FYTTD1: variants seen among roughly 807,000 people sequenced by gnomAD.
FYTTD1 encodes forty-two-three domain containing 1.
Under a neutral mutation model 40.9 loss-of-function variants are expected in FYTTD1, and 22 were observed. The ratio of observed to expected loss-of-function variants is 0.54; its 90% confidence interval spans 0.38 to 0.77. FYTTD1 has a LOEUF of 0.77. Among genes scored for constraint, FYTTD1 ranks in the 30% least tolerant of loss-of-function variants. The pLI, the probability that FYTTD1 is intolerant of heterozygous loss-of-function variation, is 0.00. For synonymous variants in FYTTD1, 140 were observed against 137.9 expected (o/e 1.01, Z -0.10); for missense variants, 351 against 392.2 (o/e 0.90, Z 0.89).
intron 2 of FYTTD1, among the ~76,000 whole-genome samples, chr3:197,766,299 G>A (rs1729543229): frequency 6.6e-6 from 1 of 151,896 alleles, no homozygotes; most frequent in African/African-American, 2.4e-5. Flanking sequence ...TTTATAATTA[G>A]AACTAACTGA....
At chr3:197,762,213 T>G (rs1729408894) in intron 2 of FYTTD1, among the ~76,000 whole-genome samples, 1 of 149,886 alleles carries the variant, frequency 6.7e-6, no homozygotes, top group Admixed American at 6.6e-5. Flanking sequence ...GAGAATCTAG[T>G]TGTCTTCTAT....
intron 2 of FYTTD1, chr3:197,763,763 C>T (rs1729460819): frequency 6.4e-6 from 1 of 155,806 alleles, no homozygotes; most frequent in Non-Finnish European, 1.4e-5. Flanking sequence ...GTGACATTTC[C>T]CAGAAAATCC....
At position 197,749,958 on chromosome 3, in the gene FYTTD1, C is replaced by G. The variant is rs754257971; in HGVS notation, c.-14C>G. On this transcript the variant is annotated 5_prime_UTR_variant, in exon 1 of 9. Transcript: ENST00000241502. Reference sequence around the variant, plus strand: ...GCCTTGTCCGCGCCCGCTCTCGGCGCGACGTCTCCAGCCATGAACCGGTTT... The same window carrying G: ...GCCTTGTCCGCGCCCGCTCTCGGCGGGACGTCTCCAGCCATGAACCGGTTT... 1.3e-6 allele frequency: 2 copies of G among 1,549,394 alleles called. No individual in the cohort carries two copies. The highest frequency in any genetic ancestry group is 5.2e-5 in the East Asian group (2 of 38,428).
At chr3:197,751,435 C>T (rs1210913636) in intron 1 of FYTTD1, among the ~76,000 whole-genome samples, 2 of 152,170 alleles carry the variant, frequency 1.3e-5, no homozygotes, top group Non-Finnish European at 2.9e-5. Context: ...GGCTTGAGCC[C>T]AGGAGTTCGA....
chr3:197,763,625 AAG>A (rs568971312), intron 2 of FYTTD1: 141 of 374,716 alleles, frequency 3.8e-4, no homozygotes, highest in African/African-American at 1.8e-3. Flanking sequence ...AAAAAAAAGA[AAG>A]AGTATAAAGA....
intron 1 of FYTTD1, 67 bp downstream of exon 1, chr3:197,750,141 T>C (rs1728959584): frequency 2.4e-6 from 3 of 1,253,990 alleles, no homozygotes; most frequent in South Asian, 2.8e-5. Flanking sequence ...GCGGCGCGGT[T>C]TGTGGGGGCA....
intron 5 of FYTTD1, 64 bp from the exon 6 acceptor site, chr3:197,774,085 G>C: frequency 7.4e-7 from 1 of 1,357,784 alleles, no homozygotes; most frequent in East Asian, 2.3e-5. Context: ...TCCAGAGCAG[G>C]ATCGCTCTTT....
chr3:197,773,675 A>T (rs1729783518), intron 5 of FYTTD1, among the ~76,000 whole-genome samples, 176 bp downstream of exon 5: 1 of 152,088 alleles, frequency 6.6e-6, no homozygotes, highest in Admixed American at 6.6e-5. Context: ...ATCTTTTCTT[A>T]CCCTCAATAG....
At chr3:197,778,616 A>G in intron 8 of FYTTD1, 152 bp downstream of exon 8, 1 of 590,640 alleles carries the variant, frequency 1.7e-6, no homozygotes, top group South Asian at 2.5e-5. Flanking sequence ...CCATTTGCCT[A>G]TTTTGACATT....
In FYTTD1 at chr3:197,768,432, C is replaced by T. The variant is rs754929499; in HGVS notation, c.236-7C>T. On this transcript the variant is annotated splice_region_variant and splice_polypyrimidine_tract_variant and intron_variant, in intron 2 of 8. Coordinates refer to ENST00000241502, the MANE Select transcript of FYTTD1 (RefSeq NM_032288.7). Reference sequence around the variant, plus strand: ...TGACATTTTCTTCTGTTTTTGCCCTCCTATAGGTTTTGGTAAGACTAGTCT... The same window carrying T: ...TGACATTTTCTTCTGTTTTTGCCCTTCTATAGGTTTTGGTAAGACTAGTCT... 11 of 1,594,844 alleles carry T rather than the reference C, an allele frequency of 6.9e-6. No homozygotes were observed. In the Admixed American group the frequency reaches 1.9e-4, roughly 27 times the overall value.
At chr3:197,763,448 A>G in intron 2 of FYTTD1, 1 of 387,968 alleles carries the variant, frequency 2.6e-6, no homozygotes, top group Non-Finnish European at 5.0e-6. Context: ...TTTTAATTGC[A>G]GTAAATATAA....
chr3:197,755,201 T>C (rs1729177348), intron 1 of FYTTD1, among the ~76,000 whole-genome samples: 1 of 152,244 alleles, frequency 6.6e-6, no homozygotes, highest in African/African-American at 2.4e-5. Context: ...TTTTGTACTA[T>C]ACCTTTATTA....
intron 2 of FYTTD1, among the ~76,000 whole-genome samples, chr3:197,767,467 G>GTTTTTTTTTT: frequency 6.8e-6 from 1 of 146,072 alleles, no homozygotes; most frequent in African/African-American, 2.5e-5. Flanking sequence ...CTAGAAAAAA[G>GTTTTTTTTTT]TATTTACTTA....
At chr3:197,760,128 G>A (rs1729334458) in intron 2 of FYTTD1, among the ~76,000 whole-genome samples, 1 of 151,966 alleles carries the variant, frequency 6.6e-6, no homozygotes, top group Admixed American at 6.6e-5. Context: ...GTTCCTCAGT[G>A]GTAGAACTTA....
chr3:197,757,432 C>T (rs1729243713), intron 2 of FYTTD1, among the ~76,000 whole-genome samples: 1 of 152,156 alleles, frequency 6.6e-6, no homozygotes, highest in African/African-American at 2.4e-5. Context: ...AAAATAATCT[C>T]CAGTAGGTTG....
At chr3:197,764,753 A>G (rs1000268402) in intron 2 of FYTTD1, among the ~76,000 whole-genome samples, 7 of 137,808 alleles carry the variant, frequency 5.1e-5, no homozygotes, top group Non-Finnish European at 1.0e-4. Flanking sequence ...TGGATAAGAG[A>G]AAAAAAAAAC....
chr3:197,751,986 C>G (rs371602307), intron 1 of FYTTD1, among the ~76,000 whole-genome samples: 1 of 152,152 alleles, frequency 6.6e-6, no homozygotes, highest in East Asian at 1.9e-4. Context: ...GTTCTCCTGC[C>G]TCAGCCTCCC....
rs377383238 is a variant in FYTTD1, at chr3:197,781,912, C to T, written c.*3C>T. 17 of 1,564,214 alleles carry T rather than the reference C, an allele frequency of 1.1e-5. No homozygotes were observed. The African/African-American group carries it at 2.3e-4, about 21-fold the overall frequency. ...GCCGCTTTGTCACCGTGGGATAGGT[C>T]CCATGTCAAAGGAACTTTTGAGTGA... is the stretch of plus-strand genomic sequence containing the variant. On this transcript the variant is annotated 3_prime_UTR_variant, in exon 9 of 9. Transcript: ENST00000241502.
chr3:197,762,180 T>C (rs1229205251), intron 2 of FYTTD1, among the ~76,000 whole-genome samples: 1 of 152,174 alleles, frequency 6.6e-6, no homozygotes, highest in Non-Finnish European at 1.5e-5. Context: ...GTTACAAACA[T>C]TCAGTCCTTA....
Sources: allele counts gnomAD v4.1 joint callset (sites outside exome capture counted in the v4.1 genomes callset), GRCh38; gene constraint gnomAD v4.1.1; transcripts MANE v1.5; gene names NCBI Gene and HGNC (gene_info 2026-07-23, HGNC 2026-07-21).